The following UBR4 variants were observed in gnomAD, a reference collection of about 807,000 sequenced individuals.
UBR4 encodes the protein ubiquitin protein ligase E3 component n-recognin 4.
UBR4 carries 124 observed loss-of-function variants against 575.6 expected under a neutral mutation model. The observed-to-expected ratio is 0.22, with a 90% confidence interval of 0.19 to 0.25. UBR4 has a LOEUF of 0.25. Ranked by LOEUF, UBR4 falls within the 10% of genes least tolerant of loss-of-function variation. The pLI, the probability that UBR4 is intolerant of heterozygous loss-of-function variation, is 1.00. For synonymous variants in UBR4, 2,455 were observed against 2,473.7 expected (o/e 0.99, Z 0.22); for missense variants, 4,818 against 6,478.8 (o/e 0.74, Z 8.80).
chr1:19,077,526 G>C (rs1246108521), intron 104 of UBR4, among the ~76,000 whole-genome samples: 4 of 152,198 alleles, frequency 2.6e-5, no homozygotes, highest in South Asian at 4.1e-4. Flanking sequence ...CTGAGGTCAG[G>C]AGTTTCAGAC....
At chr1:19,197,322 G>A in intron 7 of UBR4, 57 bp from the exon 8 acceptor site, 2 of 1,608,070 alleles carry the variant, frequency 1.2e-6, no homozygotes, top group Admixed American at 3.4e-5. Flanking sequence ...TCTATAATGT[G>A]ACAGTTAAAG....
rs1040008733 is a variant in UBR4 at position 19,121,105 on chromosome 1, C to T, written c.10141+84G>A. ...TCCCCTCTAAATCAGGATTAAAAGA[C>T]CTTTTACAACAGGACAAACCATGTG... is the stretch of plus-strand genomic sequence containing the variant. On this transcript the variant is annotated intron_variant, in intron 68 of 105. Coordinates refer to ENST00000375254, the MANE Select transcript of UBR4 (RefSeq NM_020765.3). 10 of 1,529,200 alleles carry T rather than the reference C, an allele frequency of 6.5e-6. No homozygotes were observed. In the Admixed American group the frequency reaches 8.3e-5, roughly 13 times the overall value. The allele number at this position is 1,529,200 out of a possible 1,614,324, so 94.7% of individuals were successfully genotyped here. A position where few individuals can be genotyped will look rare whatever the true frequency, so the allele number is the denominator to read the frequency against.
At chr1:19,081,919 G>T in intron 102 of UBR4, 1 of 604,364 alleles carries the variant, frequency 1.7e-6, no homozygotes. Context: ...AGTAACTCCA[G>T]AGGCCCAGAA....
In UBR4 at chr1:19,113,953, T is replaced by C. The variant is rs1292321003; in HGVS notation, c.11320A>G (p.Lys3774Glu). The C allele has an allele frequency of 6.2e-7, 1 of 1,614,224 alleles. No homozygotes were observed. The highest frequency in any genetic ancestry group is 8.5e-7 in the Non-Finnish European group (1 of 1,180,046). Residue 3774 changes from lysine (K) to glutamate (E), a missense_variant, in exon 76 of 106, where the codon AAG (lysine) becomes GAG (glutamate). Physicochemically the swap from Lys to Glu is moderately conservative, Grantham distance 56 (BLOSUM62 1). Around this residue, in one of 29 missense-constraint regions of UBR4, gnomAD observed 333 missense variants for 459.2 expected, o/e 0.73. Transcript: ENST00000375254. ...TTGCAGCGTGGGACTACCTGTGGCT[T>C]TTCTGGAGCTGCCTCATTCACTTTG... Reference protein sequence around the residue: ...LCKVNEAAPEKPQDDSGTAGG... With the variant: ...LCKVNEAAPEEPQDDSGTAGG...
intron 17 of UBR4, among the ~76,000 whole-genome samples, chr1:19,181,244 A>G (rs1221429487): frequency 6.6e-6 from 1 of 152,070 alleles, no homozygotes; most frequent in East Asian, 1.9e-4. Flanking sequence ...GAAGGAAAGA[A>G]GGACGGACCA....
rs753395545 is a variant in UBR4 at position 19,104,056 on chromosome 1, T to C, written c.12901+28A>G. 20 of 1,611,858 alleles carry C rather than the reference T, an allele frequency of 1.2e-5. No homozygotes were observed. The East Asian group carries it at 3.6e-4, about 29-fold the overall frequency. The stretch of plus-strand genomic sequence containing the variant: ...GGCAGCCCCAGAAGGGACAGTGCCT[T>C]AGGCTCCAGGCCACTGGGCAGTGCT... On this transcript the variant is annotated intron_variant, in intron 87 of 105. Transcript: ENST00000375254.
chr1:19,168,638 T>C lies in UBR4; in HGVS notation c.3742-454A>G, dbSNP rs112847006. ...TAAGCAAATAATCTGTTAATAGAGG[T>C]AGTGTGAGCAGAGGATATACAAAGA... On this transcript the variant is annotated intron_variant, in intron 27 of 105. Transcript: ENST00000375254. Among the ~76,000 whole-genome samples, 853 of 152,112 alleles carry C rather than the reference T, an allele frequency of 5.6e-3. 6 individuals are homozygous for C. The highest frequency in any genetic ancestry group is 8.9e-3 in the Non-Finnish European group (608 of 67,984).
At position 19,164,238 on chromosome 1, in the gene UBR4, ACTT is replaced by A. The variant is rs778763675; in HGVS notation, c.4700+12_4700+14del. On this transcript the variant is annotated intron_variant, in intron 33 of 105. Coordinates refer to ENST00000375254, the MANE Select transcript of UBR4 (RefSeq NM_020765.3). ...ATCAATGTTGTAACCTACAGATACA[ACTT>A]CATCATCTTACCATCTGCTCAGCCA... 1 of 1,606,784 alleles carries A rather than the reference ACTT, an allele frequency of 6.2e-7. No individual in the cohort carries two copies. The highest frequency in any genetic ancestry group is 1.7e-5 in the Admixed American group (1 of 59,512).
intron 32 of UBR4, 59 bp from the exon 33 acceptor site, chr1:19,164,500 TA>T: frequency 6.5e-7 from 1 of 1,536,820 alleles, no homozygotes; most frequent in South Asian, 1.2e-5. Flanking sequence ...TTCTGTGTGT[TA>T]TAAAGGAAGT....
At chr1:19,159,958 C>A (rs1235678003) in intron 39 of UBR4, among the ~76,000 whole-genome samples, 153 bp downstream of exon 39, 1 of 151,946 alleles carries the variant, frequency 6.6e-6, no homozygotes, top group African/African-American at 2.4e-5. Context: ...ATAATATGTT[C>A]TGGGCATGTC....
chr1:19,127,641 G>C lies in UBR4; in HGVS notation c.9210C>G (p.Ser3070=), dbSNP rs1452661793. The C allele has an allele frequency of 6.2e-7, 1 of 1,614,068 alleles. No homozygotes were observed. The highest frequency in any genetic ancestry group is 1.3e-5 in the African/African-American group (1 of 75,010). Residue 3070 remains serine, a synonymous_variant, in exon 63 of 106, where the codon TCC becomes TCG. Coordinates refer to ENST00000375254, the MANE Select transcript of UBR4 (RefSeq NM_020765.3). The part of the protein sequence containing the change: ...SVFMSRTKSG[S]KSSICESSSL... The stretch of plus-strand genomic sequence containing the variant: ...AAAATACCTCACATATGGAAGACTT[G>C]GATCCAGATTTGGTGCGGGACATGA...
chr1:19,153,771 C>T lies in UBR4; in HGVS notation c.6627G>A (p.Ala2209=), dbSNP rs776463565. The part of the protein sequence containing the change: ...IQEIKTLPAK[A]KIQDMVAIRH... ...AATGGGAAAATCTGGCACTGACCTT[C>T]GCTTTAGCAGGAAGAGTCTTAATCT... is the stretch of plus-strand genomic sequence containing the variant. Residue 2209 remains alanine, a synonymous_variant, in exon 45 of 106, where the codon GCG becomes GCA. Coordinates refer to ENST00000375254, the MANE Select transcript of UBR4 (RefSeq NM_020765.3). This position sits in a 1 kb window ranked among gnomAD's most constrained non-coding sequence, Gnocchi z 4.1. The T allele has an allele frequency of 2.5e-6, 4 of 1,613,294 alleles. No homozygotes were observed. Among genetic ancestry groups the T allele is most frequent in the South Asian group, 2.2e-5 (2 of 90,930 alleles).
chr1:19,147,436 G>A (rs2085023918), intron 51 of UBR4, among the ~76,000 whole-genome samples: 1 of 152,150 alleles, frequency 6.6e-6, no homozygotes, highest in Non-Finnish European at 1.5e-5. Flanking sequence ...CTGGGTTGAT[G>A]GCTCCTCTCA....
intron 105 of UBR4, 78 bp from the exon 106 acceptor site, chr1:19,074,974 C>T: frequency 1.3e-6 from 2 of 1,493,366 alleles, no homozygotes; most frequent in South Asian, 2.3e-5. Context: ...GCTGCCGCAT[C>T]TAGCAGAGAA....
intron 27 of UBR4, 80 bp from the exon 28 acceptor site, chr1:19,168,264 T>C: frequency 7.2e-7 from 1 of 1,383,762 alleles, no homozygotes. Context: ...AAAACTGACA[T>C]AAACTAAGAC....
At position 19,153,468 on chromosome 1, in the gene UBR4, C is replaced by T. The variant is rs1419121968; in HGVS notation, c.6665G>A (p.Cys2222Tyr). ...QDMVAIRHTACNEQQRTTMIL... is the reference protein window; with the variant it reads ...QDMVAIRHTAYNEQQRTTMIL... Reference sequence around the variant, plus strand: ...CATTGTTGTCCGCTGCTGCTCATTGCAGGCCGTGTGCCTAATAGCAACCAT... The same window carrying T: ...CATTGTTGTCCGCTGCTGCTCATTGTAGGCCGTGTGCCTAATAGCAACCAT... The change falls in exon 46 of 106, where the codon TGC (cysteine) becomes TAC (tyrosine). Residue 2222 changes from cysteine to tyrosine, a missense_variant. Physicochemically the swap from Cys to Tyr is radical, Grantham distance 194. Transcript: ENST00000375254. This position sits in a 1 kb window ranked among gnomAD's most constrained non-coding sequence, Gnocchi z 4.1. 6 of 1,614,112 alleles carry T rather than the reference C, an allele frequency of 3.7e-6. No homozygotes were observed. Among genetic ancestry groups the T allele is most frequent in the Non-Finnish European group, 4.2e-6 (5 of 1,180,026 alleles).
At position 19,184,161 on chromosome 1, in the gene UBR4, A is replaced by C. The variant is rs1369738633; in HGVS notation, c.1953T>G (p.Ala651=). ...AGGTGATGAAGTTCAAAATGTTGGA[A>C]GCCAGACCTAAGAACTGAAAGGAAC... The part of the protein sequence containing the change: ...RKDPELFLGL[A]SNILNFITSS... The change falls in exon 16 of 106, where the codon GCT becomes GCG. Residue 651 remains alanine, a synonymous_variant. Transcript: ENST00000375254. The C allele has an allele frequency of 1.2e-6, 2 of 1,614,012 alleles. No individual in the cohort carries two copies. Among genetic ancestry groups the C allele is most frequent in the Admixed American group, 3.3e-5 (2 of 59,998 alleles).
At chr1:19,140,935 C>T in intron 57 of UBR4, 43 bp from the exon 58 acceptor site, 1 of 1,557,908 alleles carries the variant, frequency 6.4e-7, no homozygotes, top group Non-Finnish European at 8.7e-7. Context: ...CCCTCCAGGT[C>T]CCATCCACAG....
At chr1:19,207,906 A>G (rs1022800465) in intron 1 of UBR4, among the ~76,000 whole-genome samples, 1 of 152,242 alleles carries the variant, frequency 6.6e-6, no homozygotes, top group Non-Finnish European at 1.5e-5. Flanking sequence ...GGCTGCTTTC[A>G]CACAATGATG....
Sources: gnomAD v4.1 joint callset for allele counts (sites outside exome capture counted in the v4.1 genomes callset) on GRCh38, gnomAD v4.1.1 for gene constraint, gnomAD v4.1.1 regional missense constraint, Gnocchi (gnomAD v3.1) non-coding constraint, MANE v1.5 for transcripts, NCBI Gene and HGNC (gene_info 2026-07-23, HGNC 2026-07-21) for gene names.